The following PID1 variants were observed in gnomAD, a reference collection of about 807,000 sequenced individuals.
PID1 encodes PTB-containing, cubilin and LRP1-interacting protein.
In PID1, 10 loss-of-function variants were observed where a neutral mutation model predicts 19.1. The observed-to-expected ratio is 0.52, with a 90% CI of 0.32 to 0.89. The LOEUF (loss-of-function observed/expected upper bound fraction) is 0.89, where lower values mean the gene tolerates loss of function less well. Among genes scored for constraint, PID1 ranks in the 40% least tolerant of loss-of-function variants. The pLI is 0.03. For synonymous variants in PID1, 130 were observed against 116.0 expected (o/e 1.12, Z -0.78); for missense variants, 248 against 285.3 (o/e 0.87, Z 0.94).
chr2:229,102,037 A>G (rs1483964761), intron 2 of PID1, among the ~76,000 whole-genome samples: 2 of 152,116 alleles, frequency 1.3e-5, no homozygotes, highest in Admixed American at 1.3e-4. Context: ...AGCATGAGAA[A>G]CATTTGGCCA....
intron 1 of PID1, among the ~76,000 whole-genome samples, chr2:229,212,900 T>G (rs892851013): frequency 6.6e-6 from 1 of 151,940 alleles, no homozygotes; most frequent in Non-Finnish European, 1.5e-5. Context: ...CCACCTGAAG[T>G]GCACCCTCTC....
At chr2:229,162,879 T>G (rs1219544969) in intron 1 of PID1, among the ~76,000 whole-genome samples, 1 of 152,226 alleles carries the variant, frequency 6.6e-6, no homozygotes, top group Non-Finnish European at 1.5e-5. Context: ...CTTATTCTTT[T>G]TAATGAAAAT....
chr2:229,153,012 C>T (rs1430144713), intron 2 of PID1, among the ~76,000 whole-genome samples: 4 of 152,120 alleles, frequency 2.6e-5, no homozygotes, highest in African/African-American at 9.7e-5. Flanking sequence ...CCCGAGAGAG[C>T]GTTCCTTCTG....
At chr2:229,125,613 C>T (rs1179702407) in intron 2 of PID1, among the ~76,000 whole-genome samples, 1 of 152,312 alleles carries the variant, frequency 6.6e-6, no homozygotes, top group South Asian at 2.1e-4. Flanking sequence ...ACATAAATGT[C>T]TTCCTCCCTC....
intron 1 of PID1, among the ~76,000 whole-genome samples, chr2:229,186,364 G>A (rs941932298): frequency 6.6e-6 from 1 of 152,166 alleles, no homozygotes; most frequent in African/African-American, 2.4e-5. Context: ...GCTCCATTAG[G>A]TGACACCCCA....
At chr2:229,084,143 C>T (rs1343995909) in intron 2 of PID1, among the ~76,000 whole-genome samples, 1 of 152,154 alleles carries the variant, frequency 6.6e-6, no homozygotes, top group Non-Finnish European at 1.5e-5. Context: ...CAAGCAAGCT[C>T]TAAACTAGAA....
intron 2 of PID1, among the ~76,000 whole-genome samples, chr2:229,056,087 C>G (rs530047244): frequency 3.9e-5 from 6 of 152,310 alleles, no homozygotes; most frequent in Admixed American, 2.6e-4. Context: ...TAGAGTGTAT[C>G]TATTCATGGG....
At chr2:229,136,713 G>C (rs1689864732) in intron 2 of PID1, among the ~76,000 whole-genome samples, 1 of 152,062 alleles carries the variant, frequency 6.6e-6, no homozygotes, top group Non-Finnish European at 1.5e-5. Flanking sequence ...CAGAACCTCA[G>C]GGACACAAAT....
intron 2 of PID1, among the ~76,000 whole-genome samples, chr2:229,069,350 G>C (rs912026201): frequency 6.6e-6 from 1 of 152,102 alleles, no homozygotes; most frequent in African/African-American, 2.4e-5. Flanking sequence ...CAGTAAGGGA[G>C]AGAGGCGCCA....
At chr2:229,244,874 T>C (rs1040020749) in intron 1 of PID1, 1 of 152,102 alleles carries the variant, frequency 6.6e-6, no homozygotes, top group African/African-American at 2.4e-5. Context: ...CTCTGCAGCA[T>C]TAGGTATGAC....
chr2:229,171,004 T>G (rs1242286496), intron 1 of PID1, among the ~76,000 whole-genome samples: 2 of 152,236 alleles, frequency 1.3e-5, no homozygotes, highest in Admixed American at 1.3e-4. Flanking sequence ...TTTCTCATTT[T>G]GTCCCAAGGG....
At chr2:229,097,733 C>T (rs1184549989) in intron 2 of PID1, among the ~76,000 whole-genome samples, 1 of 152,152 alleles carries the variant, frequency 6.6e-6, no homozygotes, top group Non-Finnish European at 1.5e-5. Context: ...TTATAAATCC[C>T]TCTTTCTTTT....
intron 2 of PID1, among the ~76,000 whole-genome samples, chr2:229,122,873 T>C (rs1052996642): frequency 1.3e-5 from 2 of 152,120 alleles, no homozygotes; most frequent in African/African-American, 4.8e-5. Flanking sequence ...TGTCATTCAT[T>C]CCTTGGACAG....
intron 2 of PID1, among the ~76,000 whole-genome samples, chr2:229,116,506 C>A (rs559278883): frequency 9.1e-4 from 138 of 152,180 alleles, no homozygotes; most frequent in African/African-American, 3.2e-3. Context: ...ATGGTAGGGA[C>A]CCAGCAGGAG....
intron 2 of PID1, among the ~76,000 whole-genome samples, chr2:229,113,527 T>TAA (rs1553563381): frequency 3.4e-5 from 5 of 146,930 alleles, no homozygotes; most frequent in South Asian, 2.2e-4. Context: ...TATATATATA[T>TAA]AAATACATAA....
chr2:229,118,833 A>AAAAAC (rs530068923), intron 2 of PID1, among the ~76,000 whole-genome samples: 6 of 152,326 alleles, frequency 3.9e-5, no homozygotes, highest in Non-Finnish European at 7.4e-5. Flanking sequence ...ACAAGAGAAA[A>AAAAAC]AAAACAAAAC....
intron 1 of PID1, among the ~76,000 whole-genome samples, chr2:229,265,580 C>A (rs992390521): frequency 2.0e-5 from 3 of 152,200 alleles, no homozygotes; most frequent in African/African-American, 7.2e-5. Flanking sequence ...ACTATTTCTT[C>A]TTGCTCTACT....
intron 2 of PID1, among the ~76,000 whole-genome samples, chr2:229,138,120 T>C (rs1349444779): frequency 6.6e-6 from 1 of 152,058 alleles, no homozygotes; most frequent in African/African-American, 2.4e-5. Flanking sequence ...AGGCGATAAA[T>C]AACAGCAAAT....
chr2:229,193,306 T>C (rs1341471493), intron 1 of PID1, among the ~76,000 whole-genome samples: 1 of 152,186 alleles, frequency 6.6e-6, no homozygotes, highest in Non-Finnish European at 1.5e-5. Flanking sequence ...CCAGTGGTCT[T>C]GGGATAGTCA....
Sources: gnomAD v4.1 joint callset for allele counts (sites outside exome capture counted in the v4.1 genomes callset) on GRCh38, gnomAD v4.1.1 for gene constraint, MANE v1.5 for transcripts, NCBI Gene and HGNC (gene_info 2026-07-23, HGNC 2026-07-21) for gene names.